ZC3H4: variants seen among roughly 807,000 people sequenced by gnomAD.
ZC3H4 encodes zinc finger CCCH domain-containing protein 4.
ZC3H4 carries 13 observed loss-of-function variants against 108.3 expected under a neutral mutation model. The ratio of observed to expected loss-of-function variants is 0.12; its 90% confidence interval spans 0.08 to 0.19. The LOEUF (loss-of-function observed/expected upper bound fraction) is 0.19, where lower values mean the gene tolerates loss of function less well. ZC3H4 is among the 10% of genes least tolerant of loss of function. The pLI is 1.00. For synonymous variants in ZC3H4, 917 were observed against 749.6 expected (o/e 1.22, Z -3.65); for missense variants, 1,734 against 1,838.8 (o/e 0.94, Z 1.04).
intron 8 of ZC3H4, 78 bp from the exon 9 acceptor site, chr19:47,084,533 G>C: frequency 3.6e-6 from 5 of 1,384,752 alleles, no homozygotes; most frequent in Non-Finnish European, 5.1e-6. Context: ...TAAGAAGCAC[G>C]GGAGAAGGGG....
chr19:47,112,546 T>C lies in ZC3H4; in HGVS notation c.39A>G (p.Ser13=), dbSNP rs2058054384. 9.7e-7 allele frequency: 1 copy of C among 1,029,702 alleles called. No homozygotes were observed. Among genetic ancestry groups the C allele is most frequent in the East Asian group, 3.2e-5 (1 of 30,782 alleles). 63.8% of individuals were successfully genotyped at this position (1,029,702 alleles called of 1,614,324 possible). The part of the protein sequence containing the change: ...AAPGTPPPPP[S]ESPPPPSPPP... Reference sequence around the variant, plus strand: ...GCGGCGATGGCGGCGGCGGCGACTCTGATGGCGGCGGCGGGGGGGTCCCGG... The same window carrying C: ...GCGGCGATGGCGGCGGCGGCGACTCCGATGGCGGCGGCGGGGGGGTCCCGG... The change falls in exon 2 of 15, where the codon TCA becomes TCG. Residue 13 remains serine (S), a synonymous_variant. Transcript: ENST00000253048.
At chr19:47,112,400 C>T in intron 2 of ZC3H4, 24 bp downstream of exon 2, 1 of 1,233,194 alleles carries the variant, frequency 8.1e-7, no homozygotes, top group Non-Finnish European at 1.0e-6. Context: ...GGGGACGCAG[C>T]CCCGGCCCAA....
Position 47,065,269 on chromosome 19 carries a change from T to A in ZC3H4, c.*1087A>T, listed in dbSNP as rs1282911330. The A allele has an allele frequency of 6.5e-6, 1 of 152,778 alleles. No homozygotes were observed. The highest frequency in any genetic ancestry group is 6.5e-5 in the Admixed American group (1 of 15,280). 9.5% of individuals were successfully genotyped at this position (152,778 alleles called of 1,614,324 possible). ...AGCAACACACCTTGGAACACCTGCATCTGCTGGCTTGGGAAAGGAAACCCG... is the reference window on the plus strand; with the variant it reads ...AGCAACACACCTTGGAACACCTGCAACTGCTGGCTTGGGAAAGGAAACCCG... On this transcript the variant is annotated 3_prime_UTR_variant, in exon 15 of 15. Coordinates refer to ENST00000253048, the MANE Select transcript of ZC3H4 (RefSeq NM_015168.2).
chr19:47,082,097 G>A (rs2057534909), intron 10 of ZC3H4, 87 bp downstream of exon 10: 5 of 1,124,498 alleles, frequency 4.4e-6, no homozygotes, highest in Non-Finnish European at 2.7e-6. Flanking sequence ...AAAGCACAGA[G>A]AAGGAAGATT....
chr19:47,082,364 G>A (rs913786840), intron 9 of ZC3H4, 69 bp from the exon 10 acceptor site: 9 of 1,187,468 alleles, frequency 7.6e-6, no homozygotes, highest in African/African-American at 7.3e-5. Flanking sequence ...GTCTGCAAAG[G>A]GAAGAAATAC....
In ZC3H4 at chr19:47,093,923, G is replaced by T. The variant is rs779383492; in HGVS notation, c.492+47C>A. On this transcript the variant is annotated intron_variant, in intron 4 of 14. Transcript: ENST00000253048. ...AAGTGCTCAAGAAACACAAGCAGTT[G>T]AACTCCTCCCGGCCCCAGAGCTCAG... 4.5e-6 allele frequency: 7 copies of T among 1,540,428 alleles called. No individual in the cohort carries two copies. The Admixed American group carries it at 1.2e-4, about 27-fold the overall frequency.
chr19:47,090,890 C>G (rs2057719711), intron 4 of ZC3H4, among the ~76,000 whole-genome samples: 1 of 152,092 alleles, frequency 6.6e-6, no homozygotes, highest in South Asian at 2.1e-4. Flanking sequence ...AAACTGGAGG[C>G]AGGGAAGGGG....
In ZC3H4 at chr19:47,094,537, C is replaced by G. The variant is rs1489499909; in HGVS notation, c.233G>C (p.Gly78Ala). The G allele has an allele frequency of 1.2e-6, 2 of 1,614,084 alleles. No homozygotes were observed. Among genetic ancestry groups the G allele is most frequent in the African/African-American group, 2.7e-5 (2 of 74,936 alleles). Residue 78 changes from glycine to alanine, a missense_variant, in exon 3 of 15, where the codon GGG (glycine) becomes GCG (alanine). Around this residue, in one of 9 missense-constraint regions of ZC3H4, gnomAD observed 403 missense variants for 457.0 expected, o/e 0.88. Coordinates refer to ENST00000253048, the MANE Select transcript of ZC3H4 (RefSeq NM_015168.2). Reference sequence around the variant, plus strand: ...CTTTTCTTTCCGGCTTCTCTCAGGCCCTCCGGAGGTATCCTGGGTCTCCTC... The same window carrying G: ...CTTTTCTTTCCGGCTTCTCTCAGGCGCTCCGGAGGTATCCTGGGTCTCCTC... ...GAEETQDTSGGPERSRKEKGE... is the reference protein window; with the variant it reads ...GAEETQDTSGAPERSRKEKGE...
intron 5 of ZC3H4, among the ~76,000 whole-genome samples, chr19:47,089,709 C>CA (rs918927883): frequency 6.6e-6 from 1 of 152,052 alleles, no homozygotes; most frequent in South Asian, 2.1e-4. Context: ...CCCTTCTCCC[C>CA]CCACAGCTGA....
At position 47,093,996 on chromosome 19, in the gene ZC3H4, T is replaced by C; in HGVS notation, c.466A>G (p.Arg156Gly). The C allele has an allele frequency of 6.2e-7, 1 of 1,614,192 alleles. No homozygotes were observed. The highest frequency in any genetic ancestry group is 8.5e-7 in the Non-Finnish European group (1 of 1,180,030). The change falls in exon 4 of 15, where the codon AGA becomes GGA. Residue 156 changes from arginine (R) to glycine (G), a missense_variant. Coordinates refer to ENST00000253048, the MANE Select transcript of ZC3H4 (RefSeq NM_015168.2). Reference protein sequence around the residue: ...SPSEKGHRKYREYSPPYAPSH... With the variant: ...SPSEKGHRKYGEYSPPYAPSH... ...GGCGCATATGGGGGGCTGTACTCTC[T>C]GTACTTGCGGTGACCTTTCTCACTG...
intron 8 of ZC3H4, 94 bp downstream of exon 8, chr19:47,084,962 G>GC (rs770519719): frequency 1.3e-6 from 2 of 1,536,330 alleles, no homozygotes; most frequent in South Asian, 1.2e-5. Context: ...GCTGATGGCA[G>GC]CAAGGATCAG....
At chr19:47,076,325 G>GCACACACACA (rs10531908) in intron 11 of ZC3H4, among the ~76,000 whole-genome samples, 1 of 151,044 alleles carries the variant, frequency 6.6e-6, no homozygotes, top group Admixed American at 6.6e-5. Context: ...GCGCGCGCGC[G>GCACACACACA]CACACACACA....
At chr19:47,095,881 G>A (rs1021102875) in intron 2 of ZC3H4, among the ~76,000 whole-genome samples, 3 of 152,174 alleles carry the variant, frequency 2.0e-5, no homozygotes, top group Non-Finnish European at 2.9e-5. Flanking sequence ...GAGAAGTGAT[G>A]TAAGGAGGAA....
chr19:47,071,115 G>A lies in ZC3H4; in HGVS notation c.2146+663C>T, dbSNP rs150712596. 2.0e-4 allele frequency among the ~76,000 whole-genome samples: 30 copies of A among 152,272 alleles called. No individual in the cohort carries two copies. The East Asian group carries it at 2.5e-3, about 13-fold the overall frequency. On this transcript the variant is annotated intron_variant, in intron 13 of 14. Transcript: ENST00000253048. ...ACTGAGCCTTCTGGCCCACCGCCAC[G>A]GTTCCCCACCTTTTCTTCTAAGAAT...
chr19:47,086,331 C>T (rs761757563), intron 6 of ZC3H4, 53 bp downstream of exon 6: 244 of 1,606,182 alleles, frequency 1.5e-4, no homozygotes, highest in Middle Eastern at 5.0e-4. Flanking sequence ...GCTCACGCCC[C>T]GGAAAGCCCA....
At chr19:47,090,260 C>G (rs375719189) in intron 4 of ZC3H4, 71 bp from the exon 5 acceptor site, 1 of 1,553,040 alleles carries the variant, frequency 6.4e-7, no homozygotes, top group Non-Finnish European at 8.8e-7. Context: ...CCAAGATACC[C>G]AGGGTTCCCT....
At chr19:47,087,159 C>T (rs2057643491) in intron 5 of ZC3H4, among the ~76,000 whole-genome samples, 2 of 151,340 alleles carry the variant, frequency 1.3e-5, no homozygotes, top group Admixed American at 1.3e-4. Context: ...ACCTGTAATC[C>T]CAGTTACTCA....
intron 13 of ZC3H4, 30 bp downstream of exon 13, chr19:47,071,748 C>G: frequency 2.6e-6 from 4 of 1,563,036 alleles, no homozygotes; most frequent in Non-Finnish European, 3.5e-6. Context: ...GCCTGCAGCC[C>G]CAGGCAGCCA....
At position 47,066,750 on chromosome 19, in the gene ZC3H4, C is replaced by T. The variant is rs757909177; in HGVS notation, c.3518G>A (p.Gly1173Asp). 1 of 1,605,124 alleles carries T rather than the reference C, an allele frequency of 6.2e-7. No individual in the cohort carries two copies. The highest frequency in any genetic ancestry group is 1.7e-5 in the Admixed American group (1 of 59,568). The part of the protein sequence containing the change: ...PAADTGAQPK[G>D]AEGNGKSSAS... ...CGAGCTCTTGCCATTGCCCTCAGCA[C>T]CCTTGGGCTGGGCACCCGTGTCAGC... is the stretch of plus-strand genomic sequence containing the variant. The change falls in exon 15 of 15, where the codon GGT becomes GAT. Residue 1173 changes from glycine (G) to aspartate (D), a missense_variant. Transcript: ENST00000253048.
Sources: gnomAD v4.1 joint callset for allele counts (sites outside exome capture counted in the v4.1 genomes callset) on GRCh38, gnomAD v4.1.1 for gene constraint, gnomAD v4.1.1 regional missense constraint, MANE v1.5 for transcripts, NCBI Gene and HGNC (gene_info 2026-07-23, HGNC 2026-07-21) for gene names.